The following RAB8B variants were observed in gnomAD, a reference collection of about 807,000 sequenced individuals.
The protein encoded by RAB8B is RAB8B, member RAS oncogene family, also known as ras-related protein Rab-8B.
RAB8B carries 11 observed loss-of-function variants against 32.0 expected under a neutral mutation model. The observed-to-expected ratio is 0.34, with a 90% CI of 0.22 to 0.57. The LOEUF is 0.57. Among genes scored for constraint, RAB8B ranks in the 20% least tolerant of loss-of-function variants. RAB8B has a pLI of 0.86. For synonymous variants in RAB8B, 103 were observed against 89.6 expected (o/e 1.15, Z -0.85); for missense variants, 190 against 258.5 (o/e 0.73, Z 1.82).
intron 1 of RAB8B, among the ~76,000 whole-genome samples, chr15:63,214,286 CTTTTTTTTTTTTTT>C (rs34415858): frequency 1.3e-4 from 12 of 95,650 alleles, no homozygotes; most frequent in Non-Finnish European, 1.4e-4. Flanking sequence ...CAGTTTCTTT[CTTTTTTTTTTTTTT>C]TTTTTTTTTG....
At chr15:63,199,544 C>T (rs1252612434) in intron 1 of RAB8B, among the ~76,000 whole-genome samples, 1 of 152,140 alleles carries the variant, frequency 6.6e-6, no homozygotes, top group African/African-American at 2.4e-5. Context: ...ATTTCTTTAA[C>T]ATGCACAAAA....
At chr15:63,262,777 C>A in intron 7 of RAB8B, 35 bp downstream of exon 7, 2 of 1,153,360 alleles carry the variant, frequency 1.7e-6, no homozygotes, top group South Asian at 1.8e-5. Flanking sequence ...TTCCATTATG[C>A]TGTCTGTTTG....
At chr15:63,247,417 T>C (rs2038080571) in intron 2 of RAB8B, among the ~76,000 whole-genome samples, 1 of 152,238 alleles carries the variant, frequency 6.6e-6, no homozygotes, top group African/African-American at 2.4e-5. Context: ...TCCTGAAGAA[T>C]CTGTCCAACT....
intron 1 of RAB8B, among the ~76,000 whole-genome samples, chr15:63,217,444 A>G (rs2037802923): frequency 6.6e-6 from 1 of 152,216 alleles, no homozygotes; most frequent in Non-Finnish European, 1.5e-5. Context: ...TTTTTGGGTC[A>G]GTGAGAAAGC....
chr15:63,195,170 G>A (rs1031590931), intron 1 of RAB8B, among the ~76,000 whole-genome samples: 1 of 152,142 alleles, frequency 6.6e-6, no homozygotes, highest in African/African-American at 2.4e-5. Flanking sequence ...TGTACATAAA[G>A]CCTTATTTTA....
Position 63,262,625 on chromosome 15 carries a change from G to GTA in RAB8B, c.481-52_481-51dup, listed in dbSNP as rs72363505. 443 of 363,300 alleles carry GTA rather than the reference G, an allele frequency of 1.2e-3. 1 individual carries two copies. The highest frequency in any genetic ancestry group is 9.8e-3 in the African/African-American group (383 of 39,104). The allele number at this position is 363,300 out of a possible 1,614,324, so 22.5% of individuals were successfully genotyped here. A position where few individuals can be genotyped will look rare whatever the true frequency, so the allele number is the denominator to read the frequency against. ...TGAGGCGGGGGGAATATATATATGT[G>GTA]TATATATATATATATACATATATAT... On this transcript the variant is annotated intron_variant, in intron 6 of 7. Transcript: ENST00000321437.
intron 1 of RAB8B, among the ~76,000 whole-genome samples, chr15:63,198,082 T>TA (rs2037618318): frequency 6.6e-6 from 1 of 152,296 alleles, no homozygotes; most frequent in African/African-American, 2.4e-5. Flanking sequence ...GTTGAATTAA[T>TA]AAGAACCTGA....
At chr15:63,252,336 G>A (rs945572048) in intron 3 of RAB8B, among the ~76,000 whole-genome samples, 5 of 152,146 alleles carry the variant, frequency 3.3e-5, no homozygotes, top group Non-Finnish European at 7.3e-5. Flanking sequence ...TCCTCAAAAT[G>A]ATCAAGCGTG....
intron 1 of RAB8B, among the ~76,000 whole-genome samples, chr15:63,213,968 C>T (rs1456425443): frequency 1.3e-5 from 2 of 151,978 alleles, no homozygotes; most frequent in Non-Finnish European, 2.9e-5. Context: ...GTAATCCCAG[C>T]TACTCGGGAG....
intron 1 of RAB8B, among the ~76,000 whole-genome samples, chr15:63,211,312 C>T (rs2037744849): frequency 6.6e-6 from 1 of 152,190 alleles, no homozygotes; most frequent in African/African-American, 2.4e-5. Context: ...CCTGAAACTA[C>T]AGCCAGATTG....
intron 1 of RAB8B, among the ~76,000 whole-genome samples, chr15:63,219,295 CAAA>C (rs552403928): frequency 1.7e-4 from 15 of 88,756 alleles, no homozygotes; most frequent in Non-Finnish European, 1.4e-4. Context: ...AGACTCCCAT[CAAA>C]AAAAAAAAAA....
rs2037539446 is a variant in RAB8B, at chr15:63,189,871, G to T, written c.124+123G>T. Reference sequence around the variant, plus strand: ...GAGACCCCGGGGACTGCAAGGTGGCGGGGGCACTGAGAGGGGCGAGGGCGT... The same window carrying T: ...GAGACCCCGGGGACTGCAAGGTGGCTGGGGCACTGAGAGGGGCGAGGGCGT... On this transcript the variant is annotated intron_variant, in intron 1 of 7. Coordinates refer to ENST00000321437, the MANE Select transcript of RAB8B (RefSeq NM_016530.3). 7.1e-6 allele frequency: 9 copies of T among 1,272,566 alleles called. 1 individual carries two copies. Among genetic ancestry groups the T allele is most frequent in the Non-Finnish European group, 6.3e-6 (6 of 952,468 alleles). The allele number at this position is 1,272,566 out of a possible 1,614,324, so 78.8% of individuals were successfully genotyped here.
chr15:63,220,536 AAGG>A (rs1307056259), intron 1 of RAB8B, among the ~76,000 whole-genome samples: 1 of 152,182 alleles, frequency 6.6e-6, no homozygotes, highest in African/African-American at 2.4e-5. Flanking sequence ...ATATAAGAGT[AAGG>A]AGGAGTAAGA....
Position 63,263,942 on chromosome 15 carries a change from C to G in RAB8B, c.*323C>G, listed in dbSNP as rs2038222161. The G allele has an allele frequency of 4.4e-6, 1 of 225,086 alleles. No homozygotes were observed. The highest frequency in any genetic ancestry group is 8.9e-6 in the Non-Finnish European group (1 of 112,360). 13.9% of individuals were successfully genotyped at this position (225,086 alleles called of 1,614,324 possible). A position where few individuals can be genotyped will look rare whatever the true frequency, so the allele number is the denominator to read the frequency against. On this transcript the variant is annotated 3_prime_UTR_variant, in exon 8 of 8. Coordinates refer to ENST00000321437, the MANE Select transcript of RAB8B (RefSeq NM_016530.3). ...CAGTGTTAGCCTTTCCCTATTTCAGCACAATCTTAGACTCATATTTGCACA... is the reference window on the plus strand; with the variant it reads ...CAGTGTTAGCCTTTCCCTATTTCAGGACAATCTTAGACTCATATTTGCACA...
At position 63,255,497 on chromosome 15, in the gene RAB8B, C is replaced by A; in HGVS notation, c.247-10C>A. The A allele has an allele frequency of 6.4e-7, 1 of 1,557,274 alleles. No individual in the cohort carries two copies. The highest frequency in any genetic ancestry group is 1.7e-5 in the Admixed American group (1 of 58,860). On this transcript the variant is annotated splice_polypyrimidine_tract_variant and intron_variant, in intron 3 of 7. Coordinates refer to ENST00000321437, the MANE Select transcript of RAB8B (RefSeq NM_016530.3). ...AAAGTACTAAATAAAGATATTTTTC[C>A]CCCTTATAGGGCATTATGCTGGTCT...
At chr15:63,251,748 G>C (rs967757553) in intron 3 of RAB8B, among the ~76,000 whole-genome samples, 4 of 152,130 alleles carry the variant, frequency 2.6e-5, no homozygotes, top group African/African-American at 9.7e-5. Context: ...GCTGGCTGAA[G>C]GGGTGAATCA....
intron 1 of RAB8B, among the ~76,000 whole-genome samples, chr15:63,194,594 A>G (rs2037585668): frequency 6.6e-6 from 1 of 152,224 alleles, no homozygotes; most frequent in Non-Finnish European, 1.5e-5. Context: ...AATTTCTTCC[A>G]TACGTAAAGT....
At position 63,265,998 on chromosome 15, in the gene RAB8B, T is replaced by G. The variant is rs545099881; in HGVS notation, c.*2379T>G. On this transcript the variant is annotated 3_prime_UTR_variant, in exon 8 of 8. Transcript: ENST00000321437. This position sits in a 1 kb window ranked among gnomAD's most constrained non-coding sequence, Gnocchi z 4.9. ...TACATTGAGCTAAGACCTTAGGAAA[T>G]TCACTTTCTGCATGATAAAATGACC... The G allele has an allele frequency of 1.3e-5, 2 of 152,712 alleles. No homozygotes were observed. The highest frequency in any genetic ancestry group is 4.1e-4 in the South Asian group (2 of 4,826). The allele number at this position is 152,712 out of a possible 1,614,324, so 9.5% of individuals were successfully genotyped here.
chr15:63,258,158 A>G (rs112244929), intron 5 of RAB8B, among the ~76,000 whole-genome samples: 57,907 of 150,616 alleles, frequency 0.38, 12,489 homozygotes, highest in Non-Finnish European at 0.5. Context: ...CTGGAGTGCA[A>G]TTGCACAATT....
Sources: allele counts gnomAD v4.1 joint callset (sites outside exome capture counted in the v4.1 genomes callset), GRCh38; gene constraint gnomAD v4.1.1; non-coding constraint Gnocchi (gnomAD v3.1); transcripts MANE v1.5; gene names NCBI Gene and HGNC (gene_info 2026-07-23, HGNC 2026-07-21).